Variants in ARAP2 observed in about 807,000 individuals in gnomAD.
The protein encoded by ARAP2 is arf-GAP with Rho-GAP domain, ANK repeat and PH domain-containing protein 2.
Under a neutral mutation model 194.5 loss-of-function variants are expected in ARAP2, and 148 were observed. The observed-to-expected ratio is 0.76, with a 90% confidence interval of 0.67 to 0.87. The LOEUF (loss-of-function observed/expected upper bound fraction) is 0.87. Among genes scored for constraint, ARAP2 ranks in the 40% least tolerant of loss-of-function variants. The probability of loss-of-function intolerance (pLI) is 0.00; values close to 1 mark genes in which losing one functional copy is unlikely to be tolerated. For synonymous variants in ARAP2, 695 were observed against 683.5 expected (o/e 1.02, Z -0.26); for missense variants, 2,128 against 1,989.7 (o/e 1.07, Z -1.32).
intron 27 of ARAP2, among the ~76,000 whole-genome samples, chr4:36,092,621 T>G (rs1023530743): frequency 9.2e-5 from 14 of 152,002 alleles, no homozygotes; most frequent in Admixed American, 2.6e-4. Context: ...AATAAAATAA[T>G]AAAAAAGAAT....
Position 36,160,632 on chromosome 4 carries a change from C to T in ARAP2, c.2269G>A (p.Val757Ile), listed in dbSNP as rs1733685006. The change falls in exon 13 of 33, where the codon GTC becomes ATC. Residue 757 changes from valine (V) to isoleucine (I), a missense_variant. Transcript: ENST00000303965. ...TCATTTGCTCTTTTGTTTCCAATGA[C>T]AATAAAAAGCTGAATTGTCAAAAAA... ...WSNELIELFI[V>I]IGNKRANDFW... 7.1e-7 allele frequency: 1 copy of T among 1,413,388 alleles called. No homozygotes were observed. Among genetic ancestry groups the T allele is most frequent in the African/African-American group, 1.7e-5 (1 of 58,538 alleles). The allele number at this position is 1,413,388 out of a possible 1,614,324, so 87.6% of individuals were successfully genotyped here.
At chr4:36,052,863 G>A (rs2109254408) in intron 2 of ARAP2, among the ~76,000 whole-genome samples, 1 of 152,290 alleles carries the variant, frequency 6.6e-6, no homozygotes, top group South Asian at 2.1e-4. Context: ...AGCTACTCTG[G>A]AGGCTGAAGC....
chr4:36,037,392 G>A (rs1454764916), intron 5 of ARAP2, among the ~76,000 whole-genome samples: 1 of 152,066 alleles, frequency 6.6e-6, no homozygotes, highest in Non-Finnish European at 1.5e-5. Flanking sequence ...CATTAACTAA[G>A]CCTGAAAGAG....
chr4:36,230,377 A>T (rs1437159236), intron 1 of ARAP2, among the ~76,000 whole-genome samples: 1 of 152,242 alleles, frequency 6.6e-6, no homozygotes, highest in African/African-American at 2.4e-5. Flanking sequence ...CAGTCAGAAC[A>T]TATTTCTCAG....
chr4:36,243,154 T>C (rs569102408), intron 1 of ARAP2, among the ~76,000 whole-genome samples: 103 of 152,218 alleles, frequency 6.8e-4, no homozygotes, highest in African/African-American at 2.5e-3. Flanking sequence ...TAGCTTGCTT[T>C]TTATCTTCCA....
chr4:36,038,478 T>C (rs1720308937), intron 5 of ARAP2, among the ~76,000 whole-genome samples: 3 of 152,168 alleles, frequency 2.0e-5, no homozygotes, highest in Admixed American at 1.3e-4. Context: ...ACCCTGACAA[T>C]ATGTCTTGGC....
At chr4:36,103,115 A>G (rs1717457345) in intron 27 of ARAP2, among the ~76,000 whole-genome samples, 1 of 151,764 alleles carries the variant, frequency 6.6e-6, no homozygotes, top group Admixed American at 6.6e-5. Context: ...TGAATGGCTC[A>G]GCTTTCCAGG....
At chr4:36,156,962 ATTAT>A (rs1330457630) in intron 15 of ARAP2, among the ~76,000 whole-genome samples, 1 of 152,224 alleles carries the variant, frequency 6.6e-6, no homozygotes, top group Non-Finnish European at 1.5e-5. Context: ...CAAAAAAGGA[ATTAT>A]TTAGTTACAA....
chr4:36,117,493 T>A (rs1721646824), intron 24 of ARAP2, among the ~76,000 whole-genome samples: 1 of 151,694 alleles, frequency 6.6e-6, no homozygotes, highest in African/African-American at 2.4e-5. Flanking sequence ...GCATGTACGT[T>A]AACAGGATAA....
In ARAP2 at chr4:36,199,058, T is replaced by C. The variant is rs537269173; in HGVS notation, c.1488-5411A>G. Among the ~76,000 whole-genome samples the C allele has an allele frequency of 2.4e-4, 36 of 152,338 alleles. No individual in the cohort carries two copies. In the East Asian group the frequency reaches 6.8e-3, roughly 29 times the overall value. On this transcript the variant is annotated intron_variant, in intron 6 of 32. Coordinates refer to ENST00000303965, the MANE Select transcript of ARAP2 (RefSeq NM_015230.4). ...CAGCTGCACCCGAGGAGCTCCCACC[T>C]TACCAACTCGGAAGGGGCAGGGCTC...
At chr4:36,011,944 A>G (rs1714649732) in intron 9 of ARAP2, among the ~76,000 whole-genome samples, 1 of 152,152 alleles carries the variant, frequency 6.6e-6, no homozygotes, top group African/African-American at 2.4e-5. Context: ...ATAATAATGC[A>G]TTATTATTTC....
chr4:36,159,253 A>T, intron 14 of ARAP2, 78 bp downstream of exon 14: 1 of 1,322,428 alleles, frequency 7.6e-7, no homozygotes, highest in Non-Finnish European at 9.9e-7. Context: ...TCTTATTTGA[A>T]AAATCAATAG....
At chr4:36,202,518 T>G (rs377480671) in intron 6 of ARAP2, among the ~76,000 whole-genome samples, 14 of 151,918 alleles carry the variant, frequency 9.2e-5, no homozygotes, top group African/African-American at 3.4e-4. Flanking sequence ...GTACTCAACA[T>G]AAAATTCTAG....
chr4:36,150,494 A>G (rs767871245), intron 16 of ARAP2, among the ~76,000 whole-genome samples: 1 of 152,124 alleles, frequency 6.6e-6, no homozygotes, highest in Non-Finnish European at 1.5e-5. Context: ...AAAAATACAA[A>G]AATTAGCTGG....
chr4:36,088,553 T>C (rs1285019880), intron 28 of ARAP2, among the ~76,000 whole-genome samples: 1 of 152,116 alleles, frequency 6.6e-6, no homozygotes, highest in East Asian at 1.9e-4. Flanking sequence ...GGGGTTCAAA[T>C]GCAGTATATA....
At chr4:36,090,678 ATGTTCT>A (rs1391216418) in intron 28 of ARAP2, among the ~76,000 whole-genome samples, 1 of 152,102 alleles carries the variant, frequency 6.6e-6, no homozygotes, top group African/African-American at 2.4e-5. Flanking sequence ...CAAATAACGC[ATGTTCT>A]TACTTACAAG....
At chr4:36,223,021 A>T (rs1749504376) in intron 2 of ARAP2, among the ~76,000 whole-genome samples, 1 of 152,032 alleles carries the variant, frequency 6.6e-6, no homozygotes, top group African/African-American at 2.4e-5. Context: ...GCTTTGGACC[A>T]ACAAGCTAAC....
chr4:36,113,152 A>T (rs1192695660), intron 26 of ARAP2, among the ~76,000 whole-genome samples: 1 of 151,978 alleles, frequency 6.6e-6, no homozygotes, highest in Non-Finnish European at 1.5e-5. Context: ...AGGTAAAGTG[A>T]ACCCAGATGT....
intron 27 of ARAP2, among the ~76,000 whole-genome samples, chr4:36,100,236 A>C (rs1716490575): frequency 6.6e-6 from 1 of 152,114 alleles, no homozygotes; most frequent in Non-Finnish European, 1.5e-5. Flanking sequence ...AGCCCAGCGC[A>C]CATAGTAAAT....
Sources: gnomAD v4.1 joint callset for allele counts (sites outside exome capture counted in the v4.1 genomes callset) on GRCh38, gnomAD v4.1.1 for gene constraint, MANE v1.5 for transcripts, NCBI Gene and HGNC (gene_info 2026-07-23, HGNC 2026-07-21) for gene names.